DDX10: variants seen among roughly 807,000 people sequenced by gnomAD.
DDX10 encodes the protein probable ATP-dependent RNA helicase DDX10.
A neutral mutation model predicts 104.3 loss-of-function variants in DDX10; 74 were observed. That is an observed-to-expected ratio of 0.71 (90% CI 0.59 to 0.86). The LOEUF is 0.86. DDX10 is among the 40% of genes least tolerant of loss of function. The pLI, the probability that DDX10 is intolerant of heterozygous loss-of-function variation, is 0.00. For missense variants in DDX10, 952 were observed against 1,040.0 expected, an observed-to-expected ratio of 0.92 and a Z score of 1.16; for synonymous variants, 351 against 353.4, an observed-to-expected ratio of 0.99 and a Z score of 0.08.
At chr11:108,770,032 A>G (rs954310819) in intron 13 of DDX10, among the ~76,000 whole-genome samples, 1 of 152,244 alleles carries the variant, frequency 6.6e-6, no homozygotes, top group African/African-American at 2.4e-5. Context: ...TTCTAATAAA[A>G]GCTTCAGAGT....
In DDX10 at chr11:108,807,356, T is replaced by C. The variant is rs570755753; in HGVS notation, c.1966-31090T>C. ...ATGTTATGGGTTCAAATTTATATTT[T>C]AAACTGTGACTGGTAGCAATGTCAA... On this transcript the variant is annotated intron_variant, in intron 13 of 17. Coordinates refer to ENST00000322536, the MANE Select transcript of DDX10 (RefSeq NM_004398.4). 2.0e-5 allele frequency among the ~76,000 whole-genome samples: 3 copies of C among 152,262 alleles called. No homozygotes were observed. The South Asian group carries it at 6.2e-4, about 32-fold the overall frequency.
intron 4 of DDX10, 66 bp downstream of exon 4, chr11:108,677,309 A>T: frequency 7.0e-7 from 1 of 1,424,908 alleles, no homozygotes; most frequent in East Asian, 2.3e-5. Flanking sequence ...GTGGCCGATG[A>T]CAGGGAGGCA....
intron 12 of DDX10, among the ~76,000 whole-genome samples, chr11:108,722,657 AT>A (rs1311308154): frequency 2.0e-5 from 3 of 152,212 alleles, no homozygotes; most frequent in Non-Finnish European, 4.4e-5. Flanking sequence ...AGGTACTGTT[AT>A]CCCCATGTTA....
chr11:108,667,931 G>A (rs1203533889), intron 1 of DDX10, among the ~76,000 whole-genome samples: 1 of 152,078 alleles, frequency 6.6e-6, no homozygotes, highest in African/African-American at 2.4e-5. Context: ...TCTCCTACTA[G>A]ACCATGAACA....
At chr11:108,929,947 G>A (rs987872405) in intron 17 of DDX10, among the ~76,000 whole-genome samples, 2 of 152,046 alleles carry the variant, frequency 1.3e-5, no homozygotes, top group African/African-American at 4.8e-5. Flanking sequence ...TCCCCTATTA[G>A]TAACATCTTG....
intron 17 of DDX10, among the ~76,000 whole-genome samples, chr11:108,932,473 A>T (rs1028374946): frequency 6.6e-6 from 1 of 151,874 alleles, no homozygotes; most frequent in African/African-American, 2.4e-5. Flanking sequence ...ATAATAATAA[A>T]ATGGGAACCA....
rs377595005 is a variant in DDX10, at chr11:108,854,171, A to T, written c.2304+1962A>T. Among the ~76,000 whole-genome samples the T allele has an allele frequency of 3.9e-5, 6 of 152,290 alleles. No homozygotes were observed. The East Asian group carries it at 1.2e-3, about 29-fold the overall frequency. ...GAGCTCAAACCAACCTTTTGCACCC[A>T]ACTTCCTTTCAAATGAAAGTGACAG... On this transcript the variant is annotated intron_variant, in intron 16 of 17. Transcript: ENST00000322536.
intron 13 of DDX10, among the ~76,000 whole-genome samples, chr11:108,834,184 G>C (rs892266607): frequency 6.6e-6 from 1 of 150,694 alleles, no homozygotes; most frequent in Admixed American, 6.6e-5. Flanking sequence ...GCCCAGGCTG[G>C]TCGTGAACTC....
At chr11:108,854,539 G>A (rs1285901018) in intron 16 of DDX10, among the ~76,000 whole-genome samples, 1 of 152,188 alleles carries the variant, frequency 6.6e-6, no homozygotes, top group Non-Finnish European at 1.5e-5. Context: ...GGTCAAAGAA[G>A]GTGGTACTTG....
intron 9 of DDX10, among the ~76,000 whole-genome samples, chr11:108,701,161 G>A (rs113706703): frequency 0.015 from 2,331 of 151,832 alleles, 54 homozygotes; most frequent in African/African-American, 0.053. Flanking sequence ...GTATAGAATC[G>A]TCAGACATTC....
intron 16 of DDX10, among the ~76,000 whole-genome samples, chr11:108,866,687 A>G (rs1013093192): frequency 1.3e-5 from 2 of 152,184 alleles, no homozygotes; most frequent in Non-Finnish European, 2.9e-5. Context: ...GTATTGAACT[A>G]TTGCATACCA....
At chr11:108,767,122 G>A (rs1437497382) in intron 13 of DDX10, among the ~76,000 whole-genome samples, 1 of 151,980 alleles carries the variant, frequency 6.6e-6, no homozygotes, top group Non-Finnish European at 1.5e-5. Flanking sequence ...CATACATATC[G>A]CCAATTGTCT....
chr11:108,925,928 G>A (rs905612747), intron 17 of DDX10, among the ~76,000 whole-genome samples: 1 of 152,158 alleles, frequency 6.6e-6, no homozygotes, highest in Non-Finnish European at 1.5e-5. Context: ...AATGAAGAGT[G>A]AGACTAAACT....
At chr11:108,688,343 A>AAT (rs1565247487) in intron 6 of DDX10, among the ~76,000 whole-genome samples, 1 of 152,216 alleles carries the variant, frequency 6.6e-6, no homozygotes, top group Non-Finnish European at 1.5e-5. Context: ...CCTTATACCA[A>AAT]ACACCTAGAT....
At chr11:108,712,757 C>G (rs1171409616) in intron 10 of DDX10, among the ~76,000 whole-genome samples, 1 of 151,664 alleles carries the variant, frequency 6.6e-6, no homozygotes, top group South Asian at 2.1e-4. Flanking sequence ...TCATTTATTC[C>G]TTTGATGTGC....
intron 15 of DDX10, among the ~76,000 whole-genome samples, chr11:108,843,265 C>T (rs958967967): frequency 2.0e-5 from 3 of 152,034 alleles, no homozygotes; most frequent in Non-Finnish European, 2.9e-5. Flanking sequence ...AAGATTCTGT[C>T]TCTTTAAAAA....
intron 13 of DDX10, among the ~76,000 whole-genome samples, chr11:108,827,503 A>G (rs538871428): frequency 2.6e-5 from 4 of 152,352 alleles, no homozygotes; most frequent in South Asian, 2.1e-4. Flanking sequence ...AAGGTTTACT[A>G]TAGTGTGCTT....
rs2094226468 is a variant in DDX10, at chr11:108,677,112, T to C, written c.406T>C (p.Trp136Arg). Residue 136 changes from tryptophan (W) to arginine (R), a missense_variant, in exon 4 of 18, where the codon TGG becomes CGG. This residue lies in a region of DDX10 where 412 missense variants were observed against 479.2 expected (regional missense o/e 0.86). Transcript: ENST00000322536. ...PVLEALYRLQ[W>R]TSTDGLGVLI... ...GCTGGAAGCCTTATATCGTCTGCAA[T>C]GGACTTCAACAGATGGGCTGGGGGT... is the stretch of plus-strand genomic sequence containing the variant. The C allele has an allele frequency of 6.2e-7, 1 of 1,613,122 alleles. No individual in the cohort carries two copies. The highest frequency in any genetic ancestry group is 8.5e-7 in the Non-Finnish European group (1 of 1,179,448).
chr11:108,792,791 T>C (rs1176988043), intron 13 of DDX10, among the ~76,000 whole-genome samples: 1 of 152,240 alleles, frequency 6.6e-6, no homozygotes, highest in Non-Finnish European at 1.5e-5. Context: ...AAAAGATTGC[T>C]AGAATTCTTG....
Sources: gnomAD v4.1 joint callset for allele counts (sites outside exome capture counted in the v4.1 genomes callset) on GRCh38, gnomAD v4.1.1 for gene constraint, gnomAD v4.1.1 regional missense constraint, MANE v1.5 for transcripts, NCBI Gene and HGNC (gene_info 2026-07-23, HGNC 2026-07-21) for gene names.